GANC: variants seen among roughly 807,000 people sequenced by gnomAD.
GANC encodes the protein neutral alpha-glucosidase C.
A neutral mutation model predicts 124.2 loss-of-function variants in GANC; 117 were observed. That is an observed-to-expected ratio of 0.94 (90% CI 0.81 to 1.10). GANC has a LOEUF of 1.10. Among genes scored for constraint, GANC ranks in the 50% least tolerant of loss-of-function variants. The probability of loss-of-function intolerance (pLI) is 0.00; values close to 1 mark genes in which losing one functional copy is unlikely to be tolerated. For synonymous variants in GANC, 377 were observed against 376.8 expected, an observed-to-expected ratio of 1.00 and a Z score of -0.01; for missense variants, 1,140 against 1,095.0, an observed-to-expected ratio of 1.04 and a Z score of -0.58.
chr15:42,310,989 C>T (rs2141045737), intron 10 of GANC, 143 bp downstream of exon 10: 1 of 859,330 alleles, frequency 1.2e-6, no homozygotes, highest in Admixed American at 2.4e-5. Flanking sequence ...ATTTCTGTTC[C>T]CATCCTCATC....
intron 3 of GANC, among the ~76,000 whole-genome samples, chr15:42,280,082 G>T (rs991421878): frequency 6.6e-6 from 1 of 152,148 alleles, no homozygotes; most frequent in African/African-American, 2.4e-5. Context: ...CATATCAACA[G>T]TTCTGTGTTC....
chr15:42,338,367 A>G (rs1384412879), intron 15 of GANC, 22 bp from the exon 16 acceptor site: 1 of 1,559,456 alleles, frequency 6.4e-7, no homozygotes, highest in South Asian at 1.1e-5. Context: ...TGATTTTAAT[A>G]CATTGTTGCT....
In GANC at chr15:42,338,278, A is replaced by T. The variant is rs2052299343; in HGVS notation, c.1742-111A>T. ...TAGAATTTATTTATTTTAAGGCAAG[A>T]AATTGGTTTTCCTTTTCATTAAGTT... is the stretch of plus-strand genomic sequence containing the variant. On this transcript the variant is annotated intron_variant, in intron 15 of 23. Coordinates refer to ENST00000318010, the MANE Select transcript of GANC (RefSeq NM_198141.3). The T allele has an allele frequency of 2.3e-5, 13 of 576,388 alleles. No individual in the cohort carries two copies. The South Asian group carries it at 3.6e-4, about 16-fold the overall frequency. The allele number at this position is 576,388 out of a possible 1,614,324, so 35.7% of individuals were successfully genotyped here.
At chr15:42,340,563 C>A in intron 17 of GANC, 127 bp from the exon 18 acceptor site, 1 of 695,488 alleles carries the variant, frequency 1.4e-6, no homozygotes, top group Non-Finnish European at 2.3e-6. Context: ...AAGATAGCAC[C>A]ACGGCATTCC....
At chr15:42,279,906 A>G (rs1007176259) in intron 3 of GANC, among the ~76,000 whole-genome samples, 18 of 152,190 alleles carry the variant, frequency 1.2e-4, no homozygotes, top group African/African-American at 4.3e-4. Context: ...CTCCATAATA[A>G]TTGTAAGGCC....
rs1566955005 is a variant in GANC at position 42,310,780 on chromosome 15, A to G, written c.991A>G (p.Ile331Val). The G allele has an allele frequency of 1.2e-6, 2 of 1,613,842 alleles. No homozygotes were observed. The highest frequency in any genetic ancestry group is 1.7e-6 in the Non-Finnish European group (2 of 1,179,844). The change falls in exon 10 of 24, where the codon ATT becomes GTT. Residue 331 changes from isoleucine (I) to valine (V), a missense_variant. Ile to Val is a conservative substitution (Grantham distance 29). Coordinates refer to ENST00000318010, the MANE Select transcript of GANC (RefSeq NM_198141.3). Reference sequence around the variant, plus strand: ...GCACTGGATGTCAGAGAGTGGCATCATTGATGTTTTTCTGCTGACAGGACC... The same window carrying G: ...GCACTGGATGTCAGAGAGTGGCATCGTTGATGTTTTTCTGCTGACAGGACC... The part of the protein sequence containing the change: ...HVHWMSESGI[I>V]DVFLLTGPTP...
chr15:42,299,113 G>A (rs1216205876), intron 6 of GANC, among the ~76,000 whole-genome samples: 1 of 152,168 alleles, frequency 6.6e-6, no homozygotes, highest in East Asian at 1.9e-4. Flanking sequence ...GAATAGGAGT[G>A]GTGAGAGAGG....
chr15:42,310,471 A>G lies in GANC; in HGVS notation c.903+8A>G. ...ACAGAGCCTGCAGTAGAGGTGAGCT[A>G]TTTATCATGGCTACATGTCATACTT... On this transcript the variant is annotated splice_region_variant and intron_variant, in intron 9 of 23. Coordinates refer to ENST00000318010, the MANE Select transcript of GANC (RefSeq NM_198141.3). 2 of 1,587,208 alleles carry G rather than the reference A, an allele frequency of 1.3e-6. No individual in the cohort carries two copies. Among genetic ancestry groups the G allele is most frequent in the Non-Finnish European group, 8.6e-7 (1 of 1,164,222 alleles).
At chr15:42,302,016 G>A (rs2051950200) in intron 6 of GANC, among the ~76,000 whole-genome samples, 2 of 152,214 alleles carry the variant, frequency 1.3e-5, no homozygotes, top group African/African-American at 4.8e-5. Context: ...GGGACAGACT[G>A]CCTCCTCAAG....
In GANC at chr15:42,329,468, A is replaced by G; in HGVS notation, c.1644+19A>G. On this transcript the variant is annotated intron_variant, in intron 14 of 23. Transcript: ENST00000318010. ...TTATCATGTAAGACATCCAAAAAGA[A>G]TTAAACTGGGCTTGTGTGACCCACC... 6.3e-7 allele frequency: 1 copy of G among 1,599,152 alleles called. No homozygotes were observed. The highest frequency in any genetic ancestry group is 8.5e-7 in the Non-Finnish European group (1 of 1,174,054).
chr15:42,329,502 G>C, intron 14 of GANC, 53 bp downstream of exon 14: 1 of 1,550,592 alleles, frequency 6.4e-7, no homozygotes, highest in South Asian at 1.2e-5. Context: ...CCTTTTGGCT[G>C]AAGGTCATTT....
chr15:42,285,651 C>T (rs1428843984), intron 3 of GANC, among the ~76,000 whole-genome samples: 1 of 152,002 alleles, frequency 6.6e-6, no homozygotes, highest in African/African-American at 2.4e-5. Flanking sequence ...AAAAATTAGC[C>T]TGGTGTGATG....
intron 20 of GANC, 66 bp downstream of exon 20, chr15:42,345,898 C>A: frequency 2.8e-6 from 3 of 1,076,538 alleles, no homozygotes; most frequent in Admixed American, 2.0e-5. Flanking sequence ...GCTGCCATGA[C>A]AAAATACCAC....
Position 42,353,235 on chromosome 15 carries a change from A to G in GANC, c.*1096A>G, listed in dbSNP as rs2052473922. 1.0e-6 allele frequency: 1 copy of G among 985,274 alleles called. No individual in the cohort carries two copies. Among genetic ancestry groups the G allele is most frequent in the Non-Finnish European group, 1.2e-6 (1 of 829,858 alleles). 61.0% of individuals were successfully genotyped at this position (985,274 alleles called of 1,614,324 possible). ...GTTTTAGCAGCCTCGACTCCTCAGC[A>G]CTCCTCAGCACACACCTCTTCTTAT... On this transcript the variant is annotated 3_prime_UTR_variant, in exon 24 of 24. Coordinates refer to ENST00000318010, the MANE Select transcript of GANC (RefSeq NM_198141.3).
chr15:42,325,300 G>T (rs958664427), intron 11 of GANC, among the ~76,000 whole-genome samples: 1 of 151,836 alleles, frequency 6.6e-6, no homozygotes, highest in Non-Finnish European at 1.5e-5. Flanking sequence ...AAAAATTTAA[G>T]AAAATGTTTG....
At chr15:42,320,261 G>T (rs2052145114) in intron 10 of GANC, among the ~76,000 whole-genome samples, 1 of 152,032 alleles carries the variant, frequency 6.6e-6, no homozygotes. Flanking sequence ...TCAAATTAGG[G>T]ATACTCAACC....
intron 10 of GANC, among the ~76,000 whole-genome samples, chr15:42,315,351 T>A (rs114695368): frequency 0.014 from 2,141 of 152,268 alleles, 51 homozygotes; most frequent in African/African-American, 0.049. Context: ...GAGATAGTTC[T>A]CCAAAGAAGA....
intron 5 of GANC, 98 bp from the exon 6 acceptor site, chr15:42,297,502 AAAGGATATAAC>A: frequency 1.4e-6 from 1 of 696,128 alleles, no homozygotes; most frequent in South Asian, 1.8e-5. Flanking sequence ...TTAATACATT[AAAGGATATAAC>A]TGAGGTCTCA....
At chr15:42,343,323 A>G in intron 19 of GANC, 169 bp downstream of exon 19, 1 of 592,992 alleles carries the variant, frequency 1.7e-6, no homozygotes, top group Non-Finnish European at 3.0e-6. Flanking sequence ...CAAGAAACTT[A>G]ATGGAGGAGA....
Sources: allele counts gnomAD v4.1 joint callset (sites outside exome capture counted in the v4.1 genomes callset), GRCh38; gene constraint gnomAD v4.1.1; transcripts MANE v1.5; gene names NCBI Gene and HGNC (gene_info 2026-07-23, HGNC 2026-07-21).